INPP4B: variants seen among roughly 807,000 people sequenced by gnomAD.
The protein encoded by INPP4B is inositol polyphosphate 4-phosphatase type II.
In INPP4B, 55 loss-of-function variants were observed where a neutral mutation model predicts 122.5. The ratio of observed to expected loss-of-function variants is 0.45; its 90% confidence interval spans 0.36 to 0.56. The LOEUF (loss-of-function observed/expected upper bound fraction) is 0.56. INPP4B is among the 20% of genes least tolerant of loss of function. INPP4B has a pLI of 0.00. For missense variants in INPP4B, 1,000 were observed against 1,097.7 expected, an observed-to-expected ratio of 0.91 and a Z score of 1.26; for synonymous variants, 403 against 388.7, an observed-to-expected ratio of 1.04 and a Z score of -0.43.
intron 7 of INPP4B, among the ~76,000 whole-genome samples, chr4:142,348,132 G>A (rs1424071938): frequency 6.6e-6 from 1 of 151,950 alleles, no homozygotes; most frequent in Non-Finnish European, 1.5e-5. Context: ...GCTTCTTGTA[G>A]CTTTTGCTTA....
intron 2 of INPP4B, among the ~76,000 whole-genome samples, chr4:142,493,763 C>T (rs1438460176): frequency 6.6e-6 from 1 of 151,910 alleles, no homozygotes; most frequent in East Asian, 1.9e-4. Flanking sequence ...TGGACTTGTA[C>T]CTTTGGGTTA....
intron 2 of INPP4B, among the ~76,000 whole-genome samples, chr4:142,601,649 A>G (rs1268358605): frequency 6.6e-6 from 1 of 151,640 alleles, no homozygotes; most frequent in Non-Finnish European, 1.5e-5. Flanking sequence ...AAGGAATTAG[A>G]AAAACAAAAA....
chr4:142,776,288 G>A (rs1773905790), intron 1 of INPP4B, among the ~76,000 whole-genome samples: 1 of 152,148 alleles, frequency 6.6e-6, no homozygotes, highest in Admixed American at 6.6e-5. Context: ...ATAATGTGGT[G>A]CTTCTTAAAC....
chr4:142,104,865 T>C (rs1561130797), intron 23 of INPP4B, among the ~76,000 whole-genome samples: 1 of 152,218 alleles, frequency 6.6e-6, no homozygotes, highest in Admixed American at 6.6e-5. Flanking sequence ...GCTGTTATAC[T>C]ATATTTTAAA....
chr4:142,677,500 C>A (rs1465094648), intron 2 of INPP4B, among the ~76,000 whole-genome samples: 1 of 151,932 alleles, frequency 6.6e-6, no homozygotes, highest in Non-Finnish European at 1.5e-5. Context: ...CGTGTAATAC[C>A]CAAAGGATTA....
At chr4:142,057,949 G>T (rs1758570213) in intron 25 of INPP4B, among the ~76,000 whole-genome samples, 1 of 152,074 alleles carries the variant, frequency 6.6e-6, no homozygotes, top group African/African-American at 2.4e-5. Flanking sequence ...GCACTTTCTG[G>T]ATTCAACCAG....
At chr4:142,707,261 T>A (rs542743267) in intron 2 of INPP4B, among the ~76,000 whole-genome samples, 6 of 152,258 alleles carry the variant, frequency 3.9e-5, no homozygotes, top group Non-Finnish European at 8.8e-5. Flanking sequence ...AACTTAAGTA[T>A]AATTGGAACC....
At chr4:142,693,758 T>C (rs1210627982) in intron 2 of INPP4B, among the ~76,000 whole-genome samples, 1 of 152,120 alleles carries the variant, frequency 6.6e-6, no homozygotes, top group East Asian at 1.9e-4. Context: ...AATATCAAAA[T>C]TCAAATGATA....
chr4:142,830,800 G>A (rs990113953), intron 1 of INPP4B, among the ~76,000 whole-genome samples: 1 of 146,090 alleles, frequency 6.8e-6, no homozygotes, highest in African/African-American at 2.6e-5. Context: ...GATTTCTTGA[G>A]CCCAGGAGTT....
chr4:142,735,114 T>C (rs1319658901), intron 1 of INPP4B, among the ~76,000 whole-genome samples: 1 of 152,242 alleles, frequency 6.6e-6, no homozygotes, highest in Non-Finnish European at 1.5e-5. Context: ...ATTCTGTTTT[T>C]AATATTTTTG....
At chr4:142,271,839 T>C (rs1370959818) in intron 9 of INPP4B, among the ~76,000 whole-genome samples, 1 of 152,222 alleles carries the variant, frequency 6.6e-6, no homozygotes, top group Non-Finnish European at 1.5e-5. Flanking sequence ...AAAAATTTTA[T>C]GTTTGGCAAT....
intron 3 of INPP4B, among the ~76,000 whole-genome samples, chr4:142,451,238 T>TTGC (rs1003747770): frequency 6.6e-6 from 1 of 150,416 alleles, no homozygotes; most frequent in African/African-American, 2.4e-5. Flanking sequence ...CCCTTTTTTG[T>TTGC]TGCTGTTGTT....
At chr4:142,169,759 T>C (rs1214432236) in intron 16 of INPP4B, among the ~76,000 whole-genome samples, 1 of 151,680 alleles carries the variant, frequency 6.6e-6, no homozygotes, top group Non-Finnish European at 1.5e-5. Context: ...AACACCCCAT[T>C]CTTTTAAATT....
chr4:142,482,877 A>G (rs1488921184), intron 2 of INPP4B, among the ~76,000 whole-genome samples: 3 of 152,146 alleles, frequency 2.0e-5, no homozygotes, highest in Non-Finnish European at 4.4e-5. Flanking sequence ...TAAATTCTAT[A>G]AGGAGAAGAG....
At chr4:142,556,229 CT>C (rs1255029895) in intron 2 of INPP4B, among the ~76,000 whole-genome samples, 2 of 152,132 alleles carry the variant, frequency 1.3e-5, no homozygotes, top group East Asian at 3.9e-4. Flanking sequence ...TGAGTCTCTT[CT>C]TTTTATACTA....
chr4:142,527,901 C>T (rs2149967936), intron 2 of INPP4B, among the ~76,000 whole-genome samples: 1 of 151,814 alleles, frequency 6.6e-6, no homozygotes, highest in East Asian at 2.0e-4. Flanking sequence ...TGTTGATATG[C>T]ATTTGCACTG....
chr4:142,361,974 TAAG>T (rs559590083), intron 7 of INPP4B, among the ~76,000 whole-genome samples: 177 of 151,972 alleles, frequency 1.2e-3, no homozygotes, highest in Admixed American at 1.0e-2. Flanking sequence ...CTAGTTCCAG[TAAG>T]AAGGACACAT....
intron 2 of INPP4B, among the ~76,000 whole-genome samples, chr4:142,545,163 A>G (rs148789345): frequency 3.3e-5 from 5 of 152,330 alleles, no homozygotes; most frequent in Non-Finnish European, 5.9e-5. Context: ...AATAAAATAT[A>G]TCAAGGAAAA....
At position 142,678,473 on chromosome 4, in the gene INPP4B, C is replaced by T. The variant is rs372609740; in HGVS notation, c.-191+47366G>A. Among the ~76,000 whole-genome samples, 9 of 151,936 alleles carry T rather than the reference C, an allele frequency of 5.9e-5. No individual in the cohort carries two copies. The East Asian group carries it at 1.7e-3, about 29-fold the overall frequency. On this transcript the variant is annotated intron_variant, in intron 2 of 25. Coordinates refer to ENST00000262992, the MANE Select transcript of INPP4B (RefSeq NM_001101669.3). ...GTGTGTGATCTTAAGAAAATCACTT[C>T]GCACCTCTTGGCCTCATTTACTTAT...
Sources: allele counts gnomAD v4.1 joint callset (sites outside exome capture counted in the v4.1 genomes callset), GRCh38; gene constraint gnomAD v4.1.1; transcripts MANE v1.5; gene names NCBI Gene and HGNC (gene_info 2026-07-23, HGNC 2026-07-21).